The following CFD variants were observed in gnomAD, a reference collection of about 807,000 sequenced individuals.
The protein encoded by CFD is complement factor D, also known as C3 convertase activator.
Under a neutral mutation model 21.1 loss-of-function variants are expected in CFD, and 24 were observed. The ratio of observed to expected loss-of-function variants is 1.14; its 90% CI spans 0.82 to 1.60. The LOEUF (loss-of-function observed/expected upper bound fraction) is 1.60. Ranked by LOEUF, CFD falls within the 40% of genes most tolerant of loss-of-function variation. The pLI is 0.00. For missense variants in CFD, 535 were observed against 383.3 expected, an observed-to-expected ratio of 1.40 and a Z score of -3.31; for synonymous variants, 242 against 175.9, an observed-to-expected ratio of 1.38 and a Z score of -2.97.
Position 863,332 on chromosome 19 carries a change from C to G in CFD, c.*94C>G. The G allele has an allele frequency of 6.9e-7, 1 of 1,444,630 alleles. No homozygotes were observed. 89.5% of individuals were successfully genotyped at this position (1,444,630 alleles called of 1,614,324 possible). On this transcript the variant is annotated 3_prime_UTR_variant, in exon 5 of 5. Transcript: ENST00000327726. The stretch of plus-strand genomic sequence containing the variant: ...GCATCTGGTTGGTCTTTATTGAGCA[C>G]CTACTATATGCAGAAGGGGAGGCCG...
rs2035837116 is a variant in CFD at position 863,257 on chromosome 19, T to C, written c.*19T>C. ...GGCCTAGGGTGCCGGGGCCTGAAGG[T>C]CAGGGTCACCCAAGCAACAAAGTCC... On this transcript the variant is annotated 3_prime_UTR_variant, in exon 5 of 5. Transcript: ENST00000327726. The C allele has an allele frequency of 1.3e-6, 2 of 1,546,956 alleles. No individual in the cohort carries two copies. The highest frequency in any genetic ancestry group is 2.4e-5 in the South Asian group (2 of 84,672).
At chr19:861,169 TCTCTTG>T in intron 3 of CFD, among the ~76,000 whole-genome samples, 164 bp downstream of exon 3, 1 of 86,480 alleles carries the variant, frequency 1.2e-5, no homozygotes, top group Non-Finnish European at 2.3e-5. Flanking sequence ...AGCCTCGACC[TCTCTTG>T]CTGCGCTCGG....
At chr19:863,024 A>AG (rs1351060246) in intron 4 of CFD, 68 bp from the exon 5 acceptor site, 24 of 1,420,108 alleles carry the variant, frequency 1.7e-5, no homozygotes, top group East Asian at 2.5e-5. Context: ...CAGCCAGGTG[A>AG]GGGGGTCTAA....
At chr19:860,534 G>A (rs1599299714) in intron 1 of CFD, 83 bp from the exon 2 acceptor site, 1 of 1,315,168 alleles carries the variant, frequency 7.6e-7, no homozygotes, top group Non-Finnish European at 9.8e-7. Flanking sequence ...GCGGCCTGGG[G>A]GGTGAGAGCT....
rs1367937270 is a variant in CFD at position 860,945 on chromosome 19, C to T, written c.297C>T (p.Arg99=). 4.4e-6 allele frequency: 7 copies of T among 1,601,040 alleles called. No individual in the cohort carries two copies. The highest frequency in any genetic ancestry group is 2.2e-5 in the South Asian group (2 of 90,974). ...CCAAGCGCCTGTACGACGTGCTCCG[C>T]GCAGTGCCCCACCCGGACAGCCAGC... ...EPSKRLYDVL[R]AVPHPDSQPD... is the part of the protein sequence containing the mutation. The change falls in exon 3 of 5, where the codon CGC becomes CGT. Residue 99 remains arginine (R), a synonymous_variant. Transcript: ENST00000327726.
At chr19:862,812 G>A (rs951560484) in intron 4 of CFD, among the ~76,000 whole-genome samples, 2 of 151,566 alleles carry the variant, frequency 1.3e-5, no homozygotes, top group Non-Finnish European at 2.9e-5. Flanking sequence ...CCCCCATACT[G>A]GAAAGGGCTT....
At position 859,734 on chromosome 19, in the gene CFD, G is replaced by T; in HGVS notation, c.45G>T (p.Ala15=). 3 of 1,571,320 alleles carry T rather than the reference G, an allele frequency of 1.9e-6. No individual in the cohort carries two copies. The highest frequency in any genetic ancestry group is 4.7e-5 in the East Asian group (2 of 42,922). ...TGGCAGTTCTGGTCCTCCTAGGAGC[G>T]GCCGCCTGCGGTGAGGAGGCCTGGG... ...ERLAVLVLLG[A]AACAAPPRGR... Residue 15 remains alanine, a synonymous_variant, in exon 1 of 5, where the codon GCG becomes GCT. Coordinates refer to ENST00000327726, the MANE Select transcript of CFD (RefSeq NM_001928.4).
rs1254915189 is a variant in CFD, at chr19:860,860, G to C, written c.213-1G>C. 2 of 1,569,566 alleles carry C rather than the reference G, an allele frequency of 1.3e-6. No homozygotes were observed. Among genetic ancestry groups the C allele is most frequent in the Non-Finnish European group, 1.7e-6 (2 of 1,164,024 alleles). ...GACCGCGGACTCCGTCCGGTCCCCA[G>C]GGCCGACGGGAAGGTGCAGGTTCTC... On this transcript the variant is annotated splice_acceptor_variant, in intron 2 of 4. Coordinates refer to ENST00000327726, the MANE Select transcript of CFD (RefSeq NM_001928.4). LOFTEE classifies it high-confidence loss of function.
intron 1 of CFD, 93 bp downstream of exon 1, chr19:859,837 TG>T: frequency 1.1e-6 from 1 of 941,032 alleles, no homozygotes. Context: ...CCCCTCCAGG[TG>T]GGCAGGAAGG....
chr19:863,167 A>C lies in CFD; in HGVS notation c.691A>C (p.Asn231His). The change falls in exon 5 of 5, where the codon AAC becomes CAC. Residue 231 changes from asparagine (N) to histidine (H), a missense_variant. By Grantham distance (68) the Asn-to-His change is moderately conservative. Coordinates refer to ENST00000327726, the MANE Select transcript of CFD (RefSeq NM_001928.4). ...VVTSGSRVCG[N>H]RKKPGIYTRV... The stretch of plus-strand genomic sequence containing the variant: ...CACCTCGGGCTCGCGCGTTTGCGGC[A>C]ACCGCAAGAAGCCCGGGATCTACAC... 4 of 1,462,164 alleles carry C rather than the reference A, an allele frequency of 2.7e-6. No individual in the cohort carries two copies. Among genetic ancestry groups the C allele is most frequent in the Admixed American group, 2.3e-5 (1 of 43,570 alleles). 90.6% of individuals were successfully genotyped at this position (1,462,164 alleles called of 1,614,324 possible). A position where few individuals can be genotyped will look rare whatever the true frequency, so the allele number is the denominator to read the frequency against.
chr19:861,619 C>A, intron 3 of CFD, 80 bp from the exon 4 acceptor site: 1 of 1,509,616 alleles, frequency 6.6e-7, no homozygotes, highest in Middle Eastern at 2.3e-4. Context: ...CCTCCCCCGT[C>A]CCGTCTCCCC....
Position 861,873 on chromosome 19 carries a change from A to G in CFD, c.532A>G (p.Thr178Ala), listed in dbSNP as rs1029097230. Residue 178 changes from threonine to alanine, a missense_variant, in exon 4 of 5, where the codon ACC becomes GCC. Thr to Ala is a moderately conservative substitution (Grantham distance 58, BLOSUM62 0). Transcript: ENST00000327726. ...GCTCTTGCCAGTGCTGGACCGCGCC[A>G]CCTGCAACCGGCGCACGCACCACGA... The part of the protein sequence containing the change: ...HVLLPVLDRA[T>A]CNRRTHHDGA... 3 of 1,593,094 alleles carry G rather than the reference A, an allele frequency of 1.9e-6. No homozygotes were observed. In the African/African-American group the frequency reaches 4.0e-5, roughly 21 times the overall value.
At chr19:862,769 CAA>C (rs1301474288) in intron 4 of CFD, among the ~76,000 whole-genome samples, 1 of 146,540 alleles carries the variant, frequency 6.8e-6, no homozygotes, top group East Asian at 2.0e-4. Flanking sequence ...CACGGCAAGT[CAA>C]AGCTTGGAAG....
Position 859,736 on chromosome 19 carries a change from C to A in CFD, c.47C>A (p.Ala16Asp). The change falls in exon 1 of 5, where the codon GCC becomes GAC. Residue 16 changes from alanine to aspartate, a missense_variant. Coordinates refer to ENST00000327726, the MANE Select transcript of CFD (RefSeq NM_001928.4). ...GCAGTTCTGGTCCTCCTAGGAGCGG[C>A]CGCCTGCGGTGAGGAGGCCTGGGCC... ...RLAVLVLLGA[A>D]ACAAPPRGRI... 6.4e-7 allele frequency: 1 copy of A among 1,571,282 alleles called. No homozygotes were observed. Among genetic ancestry groups the A allele is most frequent in the Non-Finnish European group, 8.6e-7 (1 of 1,158,482 alleles).
rs754899778 is a variant in CFD at position 861,722 on chromosome 19, C to T, written c.381C>T (p.Gly127=). The change falls in exon 4 of 5, where the codon GGC becomes GGT. Residue 127 remains glycine (G), a synonymous_variant. Coordinates refer to ENST00000327726, the MANE Select transcript of CFD (RefSeq NM_001928.4). ...AGCTGTCGGAGAAGGCCACACTGGG[C>T]CCTGCTGTGCGCCCCCTGCCCTGGC... The part of the protein sequence containing the change: ...LLQLSEKATL[G]PAVRPLPWQR... The T allele has an allele frequency of 1.9e-6, 3 of 1,603,890 alleles. No individual in the cohort carries two copies. Among genetic ancestry groups the T allele is most frequent in the Non-Finnish European group, 2.5e-6 (3 of 1,177,212 alleles).
intron 4 of CFD, 51 bp from the exon 5 acceptor site, chr19:863,041 A>G: frequency 1.4e-6 from 2 of 1,472,124 alleles, no homozygotes; most frequent in Non-Finnish European, 1.8e-6. Flanking sequence ...CTAACACGTG[A>G]GGCCGGGGTG....
chr19:862,051 C>T (rs2035805429), intron 4 of CFD, 95 bp downstream of exon 4: 5 of 1,469,862 alleles, frequency 3.4e-6, no homozygotes, highest in East Asian at 2.5e-5. Flanking sequence ...AGGAACAGGG[C>T]CCAGGGAAGG....
rs2035838502 is a variant in CFD at position 863,316 on chromosome 19, T to C, written c.*78T>C. The C allele has an allele frequency of 2.7e-6, 4 of 1,501,816 alleles. No individual in the cohort carries two copies. In the South Asian group the frequency reaches 3.6e-5, roughly 14 times the overall value. The allele number at this position is 1,501,816 out of a possible 1,614,324, so 93.0% of individuals were successfully genotyped here. A position where few individuals can be genotyped will look rare whatever the true frequency, so the allele number is the denominator to read the frequency against. On this transcript the variant is annotated 3_prime_UTR_variant, in exon 5 of 5. Transcript: ENST00000327726. ...GAAGTCATCCACTCCTGCATCTGGT[T>C]GGTCTTTATTGAGCACCTACTATAT...
chr19:863,435 TA>T lies in CFD; in HGVS notation c.*203del, dbSNP rs71743169. 146,406 of 640,658 alleles carry T rather than the reference TA, an allele frequency of 0.23. 19,027 individuals are homozygous for T. Among genetic ancestry groups the T allele is most frequent in the Non-Finnish European group, 0.26 (94,805 of 366,736 alleles). The allele number at this position is 640,658 out of a possible 1,614,324, so 39.7% of individuals were successfully genotyped here. On this transcript the variant is annotated 3_prime_UTR_variant, in exon 5 of 5. Transcript: ENST00000327726. Reference sequence around the variant, plus strand: ...GCGCGACTCCATCTCTACAAATAAATAAAAAATTAGCTGGGCAATTGGCGGG... The same window carrying T: ...GCGCGACTCCATCTCTACAAATAAATAAAAATTAGCTGGGCAATTGGCGGG...
Sources: allele counts gnomAD v4.1 joint callset (sites outside exome capture counted in the v4.1 genomes callset), GRCh38; gene constraint gnomAD v4.1.1; transcripts MANE v1.5; gene names NCBI Gene and HGNC (gene_info 2026-07-23, HGNC 2026-07-21).